Variants in IL15RA observed in about 807,000 individuals in gnomAD.
IL15RA encodes the protein interleukin-15 receptor subunit alpha.
IL15RA carries 26 observed loss-of-function variants against 24.2 expected under a neutral mutation model. That is an observed-to-expected ratio of 1.07 (90% confidence interval 0.79 to 1.49). The LOEUF is 1.49. Ranked by LOEUF, IL15RA falls within the 40% of genes most tolerant of loss-of-function variation. The pLI is 0.00. For synonymous variants in IL15RA, 166 were observed against 157.6 expected, an observed-to-expected ratio of 1.05 and a Z score of -0.40; for missense variants, 354 against 356.4, an observed-to-expected ratio of 0.99 and a Z score of 0.05.
rs180828393 is a variant in IL15RA, at chr10:5,975,193, C to T, written c.88+2212G>A. Among the ~76,000 whole-genome samples the T allele has an allele frequency of 1.2e-4, 19 of 152,288 alleles. No individual in the cohort carries two copies. The highest frequency in any genetic ancestry group is 4.6e-4 in the African/African-American group (19 of 41,566). On this transcript the variant is annotated intron_variant, in intron 1 of 6. Transcript: ENST00000379977. The surrounding 1 kb of genome is among the most constrained non-coding windows in gnomAD (Gnocchi z 4.8). ...TGGAAACAACCCAAATGTCCCTTAA[C>T]AAGTGAATGGCTAAACAAATGATGG...
Position 5,952,958 on chromosome 10 carries a change from A to G in IL15RA, c.*137T>C, listed in dbSNP as rs374444467. ...GGAGGCGCCGACCCGGCAGTCCGTG[A>G]GATCCTGCTGGGACTTCTGAGAGGC... On this transcript the variant is annotated 3_prime_UTR_variant, in exon 7 of 7. Transcript: ENST00000379977. The G allele has an allele frequency of 1.6e-5, 11 of 694,436 alleles. No homozygotes were observed. The East Asian group carries it at 2.3e-4, about 14-fold the overall frequency. 43.0% of individuals were successfully genotyped at this position (694,436 alleles called of 1,614,324 possible). A position where few individuals can be genotyped will look rare whatever the true frequency, so the allele number is the denominator to read the frequency against.
rs990137575 is a variant in IL15RA, at chr10:5,961,909, A to G, written c.383-1342T>C. 2.0e-5 allele frequency among the ~76,000 whole-genome samples: 3 copies of G among 152,220 alleles called. No individual in the cohort carries two copies. The highest frequency in any genetic ancestry group is 7.2e-5 in the African/African-American group (3 of 41,458). ...TTAATCCTGTGTCACCACCTTTCATATAACTTGCCCTACGCTCACTGCCAA... is the reference window on the plus strand; with the variant it reads ...TTAATCCTGTGTCACCACCTTTCATGTAACTTGCCCTACGCTCACTGCCAA... On this transcript the variant is annotated intron_variant, in intron 3 of 6. Transcript: ENST00000379977. The surrounding 1 kb of genome is among the most constrained non-coding windows in gnomAD (Gnocchi z 5.2).
Position 5,955,465 on chromosome 10 carries a change from C to T in IL15RA, c.692+914G>A, listed in dbSNP as rs1261843137. ...AATGTTTTATAACTATTAATAGTAA[C>T]TAAAAGTTTAGTTTGGACAAATCTG... On this transcript the variant is annotated intron_variant, in intron 6 of 6. Transcript: ENST00000379977. This position sits in a 1 kb window ranked among gnomAD's most constrained non-coding sequence, Gnocchi z 5.3. Among the ~76,000 whole-genome samples the T allele has an allele frequency of 1.3e-5, 2 of 152,034 alleles. No homozygotes were observed. The highest frequency in any genetic ancestry group is 1.5e-5 in the Non-Finnish European group (1 of 68,020).
Position 5,968,527 on chromosome 10 carries a change from C to T in IL15RA, c.89-2188G>A, listed in dbSNP as rs918945598. ...GACACATCTTCTGCTAAGCTGATGG[C>T]GTGAGAGATGGAGTCGATCTCACAA... On this transcript the variant is annotated intron_variant, in intron 1 of 6. Transcript: ENST00000379977. The surrounding 1 kb of genome is among the most constrained non-coding windows in gnomAD (Gnocchi z 5.4). 1.2e-5 allele frequency: 6 copies of T among 514,168 alleles called. No individual in the cohort carries two copies. The highest frequency in any genetic ancestry group is 5.8e-5 in the African/African-American group (3 of 52,166). The allele number at this position is 514,168 out of a possible 1,614,324, so 31.9% of individuals were successfully genotyped here. A position where few individuals can be genotyped will look rare whatever the true frequency, so the allele number is the denominator to read the frequency against.
intron 5 of IL15RA, among the ~76,000 whole-genome samples, 154 bp from the exon 6 acceptor site, chr10:5,956,608 G>A (rs1222257152): frequency 2.6e-5 from 4 of 152,180 alleles, no homozygotes; most frequent in East Asian, 1.9e-4. Context: ...CAATTCCCCC[G>A]ATTCTATGTC....
chr10:5,971,900 G>A lies in IL15RA; in HGVS notation c.88+5505C>T, dbSNP rs1425566458. ...TGCCAGGTGAATTTCTCCATAACTC[G>A]AATCCTTAAATAATGATTATTGGAG... On this transcript the variant is annotated intron_variant, in intron 1 of 6. Transcript: ENST00000379977. This position sits in a 1 kb window ranked among gnomAD's most constrained non-coding sequence, Gnocchi z 5.5. Among the ~76,000 whole-genome samples the A allele has an allele frequency of 3.9e-5, 6 of 152,098 alleles. No individual in the cohort carries two copies. Among genetic ancestry groups the A allele is most frequent in the Non-Finnish European group, 8.8e-5 (6 of 68,022 alleles).
At position 5,959,235 on chromosome 10, in the gene IL15RA, C is replaced by T. The variant is rs996559378; in HGVS notation, c.616+519G>A. Among the ~76,000 whole-genome samples, 10 of 150,640 alleles carry T rather than the reference C, an allele frequency of 6.6e-5. No individual in the cohort carries two copies. Among genetic ancestry groups the T allele is most frequent in the Non-Finnish European group, 1.0e-4 (7 of 67,740 alleles). Reference sequence around the variant, plus strand: ...TGACCAGGCTGGCCTCAAATTCTGGCCTCAAGCAATCCTCCCATTTCGGCC... The same window carrying T: ...TGACCAGGCTGGCCTCAAATTCTGGTCTCAAGCAATCCTCCCATTTCGGCC... On this transcript the variant is annotated intron_variant, in intron 5 of 6. Transcript: ENST00000379977. The surrounding 1 kb of genome is among the most constrained non-coding windows in gnomAD (Gnocchi z 4.1).
intron 1 of IL15RA, among the ~76,000 whole-genome samples, chr10:5,969,844 C>G (rs1017646136): frequency 6.6e-6 from 1 of 152,200 alleles, no homozygotes; most frequent in Non-Finnish European, 1.5e-5. Context: ...TCTGCAATTT[C>G]TCCAGAAATG....
rs1448703695 is a variant in IL15RA at position 5,959,527 on chromosome 10, T to A, written c.616+227A>T. Among the ~76,000 whole-genome samples, 2 of 152,258 alleles carry A rather than the reference T, an allele frequency of 1.3e-5. No homozygotes were observed. Among genetic ancestry groups the A allele is most frequent in the Non-Finnish European group, 2.9e-5 (2 of 68,046 alleles). On this transcript the variant is annotated intron_variant, in intron 5 of 6. Coordinates refer to ENST00000379977, the MANE Select transcript of IL15RA (RefSeq NM_002189.4). The surrounding 1 kb of genome is among the most constrained non-coding windows in gnomAD (Gnocchi z 4.1). ...GCCAGCTCTCTGGGTTCAACCCCAG[T>A]AGCCTGACAGCTAGAAGCTACCAAT...
rs1397805981 is a variant in IL15RA, at chr10:5,963,328, A to C, written c.382+415T>G. Among the ~76,000 whole-genome samples the C allele has an allele frequency of 6.6e-6, 1 of 152,130 alleles. No individual in the cohort carries two copies. Among genetic ancestry groups the C allele is most frequent in the Non-Finnish European group, 1.5e-5 (1 of 68,020 alleles). ...GCCCCTGCTGGCTAGGGGACGAGGG[A>C]ATTGATGTAAACATGCTGAAGCTCC... On this transcript the variant is annotated intron_variant, in intron 3 of 6. Coordinates refer to ENST00000379977, the MANE Select transcript of IL15RA (RefSeq NM_002189.4). The surrounding 1 kb of genome is among the most constrained non-coding windows in gnomAD (Gnocchi z 5.3).
chr10:5,974,057 T>G (rs8177648), intron 1 of IL15RA, among the ~76,000 whole-genome samples: 25,296 of 151,462 alleles, frequency 0.17, 2,535 homozygotes, highest in East Asian at 0.31. Flanking sequence ...TGGAGTGCAG[T>G]GGCGCGATCT....
At position 5,968,258 on chromosome 10, in the gene IL15RA, C is replaced by A. The variant is rs1441444776; in HGVS notation, c.89-1919G>T. The stretch of plus-strand genomic sequence containing the variant: ...GCCATCACCTAAGTCCACACAAAAA[C>A]ATCCCAAACCTCACTAACACATCCC... On this transcript the variant is annotated intron_variant, in intron 1 of 6. Transcript: ENST00000379977. This position sits in a 1 kb window ranked among gnomAD's most constrained non-coding sequence, Gnocchi z 5.4. Among the ~76,000 whole-genome samples the A allele has an allele frequency of 6.6e-6, 1 of 152,034 alleles. No individual in the cohort carries two copies. Among genetic ancestry groups the A allele is most frequent in the Non-Finnish European group, 1.5e-5 (1 of 67,992 alleles).
rs1441240984 is a variant in IL15RA, at chr10:5,967,201, ACCTTG to A, written c.89-867_89-863del. ...GTCTTGCCTTGCCTTACCTTGCCTT[ACCTTG>A]CCTTGCCTTTCTTTTTTGAGACGGA... On this transcript the variant is annotated intron_variant, in intron 1 of 6. Coordinates refer to ENST00000379977, the MANE Select transcript of IL15RA (RefSeq NM_002189.4). This position sits in a 1 kb window ranked among gnomAD's most constrained non-coding sequence, Gnocchi z 4.4. Among the ~76,000 whole-genome samples, 3 of 147,804 alleles carry A rather than the reference ACCTTG, an allele frequency of 2.0e-5. No individual in the cohort carries two copies. The highest frequency in any genetic ancestry group is 1.3e-4 in the Admixed American group (2 of 15,096).
intron 1 of IL15RA, 137 bp downstream of exon 1, chr10:5,977,268 G>C: frequency 2.5e-6 from 1 of 395,740 alleles, no homozygotes. Flanking sequence ...CCCCGGCCTG[G>C]GCCTGCGCGC....
In IL15RA at chr10:5,959,692, C is replaced by T. The variant is rs780342781; in HGVS notation, c.616+62G>A. 1.3e-6 allele frequency: 2 copies of T among 1,533,058 alleles called. No homozygotes were observed. Among genetic ancestry groups the T allele is most frequent in the Non-Finnish European group, 1.8e-6 (2 of 1,108,204 alleles). 95.0% of individuals were successfully genotyped at this position (1,533,058 alleles called of 1,614,324 possible). ...GGCAGCGGGCCTGGGCCAGGACCACCCAGCACCCTGGGACTGCGGTCACCC... is the reference window on the plus strand; with the variant it reads ...GGCAGCGGGCCTGGGCCAGGACCACTCAGCACCCTGGGACTGCGGTCACCC... On this transcript the variant is annotated intron_variant, in intron 5 of 6. Transcript: ENST00000379977. The surrounding 1 kb of genome is among the most constrained non-coding windows in gnomAD (Gnocchi z 4.1).
Position 5,959,287 on chromosome 10 carries a change from G to A in IL15RA, c.616+467C>T, listed in dbSNP as rs1248977584. 6.6e-6 allele frequency among the ~76,000 whole-genome samples: 1 copy of A among 151,626 alleles called. No individual in the cohort carries two copies. The highest frequency in any genetic ancestry group is 1.5e-5 in the Non-Finnish European group (1 of 67,962). On this transcript the variant is annotated intron_variant, in intron 5 of 6. Coordinates refer to ENST00000379977, the MANE Select transcript of IL15RA (RefSeq NM_002189.4). The surrounding 1 kb of genome is among the most constrained non-coding windows in gnomAD (Gnocchi z 4.1). The stretch of plus-strand genomic sequence containing the variant: ...CCCAAACTGCTGGGATTACAGGTGT[G>A]AGCCACCATGCCTGGCCAAGAGTAG...
rs1837592628 is a variant in IL15RA, at chr10:5,971,456, T to G, written c.89-5117A>C. ...TATCAGGTTGGTTTACAGAGTCTAA[T>G]AAGAGCTGGCAGCCTCGGCCTGGTT... On this transcript the variant is annotated intron_variant, in intron 1 of 6. Transcript: ENST00000379977. The surrounding 1 kb of genome is among the most constrained non-coding windows in gnomAD (Gnocchi z 5.5). Among the ~76,000 whole-genome samples, 1 of 152,228 alleles carries G rather than the reference T, an allele frequency of 6.6e-6. No homozygotes were observed.
Position 5,971,866 on chromosome 10 carries a change from C to T in IL15RA, c.89-5527G>A, listed in dbSNP as rs545593459. On this transcript the variant is annotated intron_variant, in intron 1 of 6. Transcript: ENST00000379977. This position sits in a 1 kb window ranked among gnomAD's most constrained non-coding sequence, Gnocchi z 5.5. ...CTCATTAACTGAGCTTCCTGACCCACCTCTTGTGTGCCAGGTGAATTTCTC... is the reference window on the plus strand; with the variant it reads ...CTCATTAACTGAGCTTCCTGACCCATCTCTTGTGTGCCAGGTGAATTTCTC... 4.1e-4 allele frequency among the ~76,000 whole-genome samples: 63 copies of T among 152,348 alleles called. No individual in the cohort carries two copies. The highest frequency in any genetic ancestry group is 1.4e-3 in the African/African-American group (60 of 41,586).
At chr10:5,949,525 G>A (rs12242015), downstream of IL15RA, among the ~76,000 whole-genome samples, 2 of 152,070 alleles carry the variant, frequency 1.3e-5, no homozygotes, top group South Asian at 2.1e-4. This position sits in a 1 kb window ranked among gnomAD's most constrained non-coding sequence, Gnocchi z 4.4. Context: ...CGCAGTACTC[G>A]GGGAGTCCGC....
Sources: gnomAD v4.1 joint callset for allele counts (sites outside exome capture counted in the v4.1 genomes callset) on GRCh38, gnomAD v4.1.1 for gene constraint, Gnocchi (gnomAD v3.1) non-coding constraint, MANE v1.5 for transcripts, NCBI Gene and HGNC (gene_info 2026-07-23, HGNC 2026-07-21) for gene names.